Variants in TTC27 observed in about 807,000 individuals in gnomAD.
The protein encoded by TTC27 is tetratricopeptide repeat domain 27.
A neutral mutation model predicts 115.9 loss-of-function variants in TTC27; 79 were observed. That is an observed-to-expected ratio of 0.68 (90% CI 0.57 to 0.82). The LOEUF is 0.82. Ranked by LOEUF, TTC27 falls within the 40% of genes least tolerant of loss-of-function variation. The pLI, the probability that TTC27 is intolerant of heterozygous loss-of-function variation, is 0.00. For synonymous variants in TTC27, 401 were observed against 356.0 expected, an observed-to-expected ratio of 1.13 and a Z score of -1.42; for missense variants, 1,054 against 993.1, an observed-to-expected ratio of 1.06 and a Z score of -0.82.
chr2:32,640,255 T>G lies in TTC27; in HGVS notation c.397-15T>G, dbSNP rs1664588875. 6.2e-7 allele frequency: 1 copy of G among 1,606,622 alleles called. No individual in the cohort carries two copies. The highest frequency in any genetic ancestry group is 1.3e-5 in the African/African-American group (1 of 74,664). ...TGTTAAATTATATCATCTTAGTTTA[T>G]AATCCTTTTTTCAGGTTAAAGGACT... On this transcript the variant is annotated splice_polypyrimidine_tract_variant and intron_variant, in intron 3 of 19. Coordinates refer to ENST00000317907, the MANE Select transcript of TTC27 (RefSeq NM_017735.5).
At chr2:32,734,668 C>G (rs1230970793) in intron 11 of TTC27, among the ~76,000 whole-genome samples, 1 of 151,944 alleles carries the variant, frequency 6.6e-6, no homozygotes, top group Non-Finnish European at 1.5e-5. Context: ...GACACCTGAC[C>G]CAGTTTCTTA....
rs185114049 is a variant in TTC27, at chr2:32,815,739, A to G, written c.2309-1718A>G. Among the ~76,000 whole-genome samples, 28 of 152,308 alleles carry G rather than the reference A, an allele frequency of 1.8e-4. No homozygotes were observed. In the East Asian group the frequency reaches 2.9e-3, roughly 16 times the overall value. ...ACTAAACAGCTCAAATACCGCTGCC[A>G]TGGTGGTTACAACTTTCCTCTACTA... On this transcript the variant is annotated intron_variant, in intron 18 of 19. Transcript: ENST00000317907.
At position 32,630,988 on chromosome 2, in the gene TTC27, A is replaced by T. The variant is rs536532970; in HGVS notation, c.266+288A>T. 2.6e-5 allele frequency among the ~76,000 whole-genome samples: 4 copies of T among 152,258 alleles called. No individual in the cohort carries two copies. In the South Asian group the frequency reaches 8.3e-4, roughly 32 times the overall value. ...GCTTTACCCACCGGCAAAACTTCAG[A>T]CCTTATTTCCTTTAACTTAAAAACA... is the stretch of plus-strand genomic sequence containing the variant. On this transcript the variant is annotated intron_variant, in intron 2 of 19. Transcript: ENST00000317907.
At chr2:32,664,488 A>G in intron 6 of TTC27, 21 bp downstream of exon 6, 1 of 1,584,306 alleles carries the variant, frequency 6.3e-7, no homozygotes, top group South Asian at 1.2e-5. Flanking sequence ...TTTTTTGTGG[A>G]TAATTGATTT....
At chr2:32,659,425 A>T (rs1665452615) in intron 5 of TTC27, among the ~76,000 whole-genome samples, 1 of 146,692 alleles carries the variant, frequency 6.8e-6, no homozygotes, top group Non-Finnish European at 1.5e-5. Context: ...TACCAATTTA[A>T]TATTTGGTTC....
intron 10 of TTC27, among the ~76,000 whole-genome samples, chr2:32,724,292 G>A (rs1031414768): frequency 1.3e-5 from 2 of 152,042 alleles, no homozygotes; most frequent in South Asian, 2.1e-4. Flanking sequence ...AGTGTCCATA[G>A]GTCAAAACCA....
intron 9 of TTC27, among the ~76,000 whole-genome samples, chr2:32,694,965 C>T (rs1012348994): frequency 1.3e-5 from 2 of 152,030 alleles, no homozygotes; most frequent in African/African-American, 4.8e-5. Context: ...AGGTGTGAGC[C>T]ACTACGGCCA....
chr2:32,684,857 GTACTTAC>G (rs1391990729), intron 9 of TTC27, among the ~76,000 whole-genome samples: 1 of 149,800 alleles, frequency 6.7e-6, no homozygotes, highest in African/African-American at 2.5e-5. Context: ...GAACAAAACT[GTACTTAC>G]ACATGTCATA....
intron 12 of TTC27, among the ~76,000 whole-genome samples, chr2:32,754,482 A>T (rs964539627): frequency 8.0e-5 from 12 of 149,640 alleles, no homozygotes; most frequent in Non-Finnish European, 1.6e-4. Flanking sequence ...GATCAACAGT[A>T]TCCCAAGGCA....
At chr2:32,640,442 G>T (rs760902398) in intron 4 of TTC27, 32 bp downstream of exon 4, 40 of 1,606,528 alleles carry the variant, frequency 2.5e-5, no homozygotes, top group Non-Finnish European at 3.3e-5. Context: ...TTCATACCCT[G>T]GTATGACTTT....
chr2:32,740,154 C>T (rs1386450396), intron 12 of TTC27, among the ~76,000 whole-genome samples: 1 of 152,172 alleles, frequency 6.6e-6, no homozygotes, highest in Non-Finnish European at 1.5e-5. Flanking sequence ...ACAGCAATTT[C>T]CCCTAGCTGA....
Position 32,628,375 on chromosome 2 carries a change from G to C in TTC27, c.83G>C (p.Gly28Ala), listed in dbSNP as rs756938112. Residue 28 changes from glycine to alanine, a missense_variant, in exon 1 of 20, where the codon GGT becomes GCT. Gly to Ala is a moderately conservative substitution (Grantham distance 60). Transcript: ENST00000317907. ...CAATGGAAACAGGAGGGGGTCGTCGGTTCAGGTGAGAGGCGCACCTACCGG... is the reference window on the plus strand; with the variant it reads ...CAATGGAAACAGGAGGGGGTCGTCGCTTCAGGTGAGAGGCGCACCTACCGG... ...RQQWKQEGVV[G>A]SESGSFLQLL... The C allele has an allele frequency of 1.3e-6, 2 of 1,598,732 alleles. No homozygotes were observed. The highest frequency in any genetic ancestry group is 1.8e-5 in the Admixed American group (1 of 56,880).
At chr2:32,737,829 C>CCGT (rs1350796007) in intron 12 of TTC27, among the ~76,000 whole-genome samples, 1 of 151,840 alleles carries the variant, frequency 6.6e-6, no homozygotes. Context: ...CAAGTAAGAC[C>CCGT]CCATCTCTAC....
chr2:32,758,729 T>C (rs1426177934), intron 13 of TTC27, among the ~76,000 whole-genome samples: 1 of 151,630 alleles, frequency 6.6e-6, no homozygotes, highest in Admixed American at 6.6e-5. Context: ...TTCTATTACT[T>C]TAACTTTCTG....
chr2:32,711,575 A>G (rs1372738497), intron 10 of TTC27, among the ~76,000 whole-genome samples: 1 of 152,150 alleles, frequency 6.6e-6, no homozygotes, highest in East Asian at 1.9e-4. Flanking sequence ...GTGTTTTTTT[A>G]ATTGTTTTAG....
In TTC27 at chr2:32,812,518, C is replaced by A; in HGVS notation, c.2211C>A (p.Leu737=). The stretch of plus-strand genomic sequence containing the variant: ...TCCTTCCTCAGGCATTCCAGTGCCT[C>A]TCAAAGGCATACAAGTGTGACACCC... ...PDENEKAFQC[L]SKAYKCDTQS... is the part of the protein sequence containing the mutation. Residue 737 remains leucine (L), a synonymous_variant, in exon 18 of 20, where the codon CTC becomes CTA. Coordinates refer to ENST00000317907, the MANE Select transcript of TTC27 (RefSeq NM_017735.5). The A allele has an allele frequency of 6.2e-7, 1 of 1,612,878 alleles. No individual in the cohort carries two copies. The highest frequency in any genetic ancestry group is 8.5e-7 in the Non-Finnish European group (1 of 1,178,908).
chr2:32,696,504 G>A (rs1666994864), intron 9 of TTC27, among the ~76,000 whole-genome samples: 1 of 151,828 alleles, frequency 6.6e-6, no homozygotes, highest in Admixed American at 6.6e-5. Flanking sequence ...ATGTTGCCCA[G>A]GCTGGTTTCA....
At chr2:32,675,872 A>G (rs1377612121) in intron 8 of TTC27, among the ~76,000 whole-genome samples, 3 of 151,682 alleles carry the variant, frequency 2.0e-5, no homozygotes, top group Non-Finnish European at 4.4e-5. Flanking sequence ...ACTCACTGCA[A>G]CCTCCGACTC....
chr2:32,762,404 A>G (rs923499173), intron 13 of TTC27, among the ~76,000 whole-genome samples: 1 of 151,906 alleles, frequency 6.6e-6, no homozygotes, highest in Non-Finnish European at 1.5e-5. Context: ...TGCGAAACCT[A>G]GACTGGAGCC....
Sources: allele counts gnomAD v4.1 joint callset (sites outside exome capture counted in the v4.1 genomes callset), GRCh38; gene constraint gnomAD v4.1.1; transcripts MANE v1.5; gene names NCBI Gene and HGNC (gene_info 2026-07-23, HGNC 2026-07-21).